GRAMD4: variants seen among roughly 807,000 people sequenced by gnomAD.
GRAMD4 encodes GRAM domain-containing protein 4.
A neutral mutation model predicts 83.9 loss-of-function variants in GRAMD4; 25 were observed. The ratio of observed to expected loss-of-function variants is 0.30; its 90% confidence interval spans 0.22 to 0.42. The LOEUF is 0.42. GRAMD4 is among the 10% of genes least tolerant of loss of function. The probability of loss-of-function intolerance (pLI) is 1.00; values close to 1 mark genes in which losing one functional copy is unlikely to be tolerated. For missense variants in GRAMD4, 593 were observed against 788.7 expected (o/e 0.75, Z 2.97); for synonymous variants, 336 against 320.9 (o/e 1.05, Z -0.50).
intron 13 of GRAMD4, 69 bp downstream of exon 13, chr22:46,668,977 C>A: frequency 1.2e-6 from 1 of 854,990 alleles, no homozygotes; most frequent in Non-Finnish European, 2.0e-6. Flanking sequence ...CCACCAGTGT[C>A]TGCCAGGTGT....
chr22:46,649,619 C>T (rs2082135584), intron 3 of GRAMD4, among the ~76,000 whole-genome samples: 1 of 152,212 alleles, frequency 6.6e-6, no homozygotes, highest in Non-Finnish European at 1.5e-5. Context: ...GCTATGTGCT[C>T]AGCAGCCTTC....
At chr22:46,618,205 T>G (rs962241610), upstream of GRAMD4, among the ~76,000 whole-genome samples, 5 of 152,078 alleles carry the variant, frequency 3.3e-5, no homozygotes, top group Non-Finnish European at 5.9e-5. The surrounding 1 kb of genome is among the most constrained non-coding windows in gnomAD (Gnocchi z 5.8). Context: ...TGCCTGCAGC[T>G]CGAGTCCACC....
intron 14 of GRAMD4, 27 bp downstream of exon 14, chr22:46,673,024 T>G: frequency 1.3e-6 from 2 of 1,515,624 alleles, no homozygotes; most frequent in Non-Finnish European, 1.8e-6. Flanking sequence ...GCTGCGGGGA[T>G]GGGGGGATGG....
chr22:46,638,207 CAG>C (rs1464105057), intron 3 of GRAMD4, among the ~76,000 whole-genome samples: 2 of 152,352 alleles, frequency 1.3e-5, no homozygotes, highest in South Asian at 2.1e-4. Flanking sequence ...GGTTGCTCCA[CAG>C]GGGCTGGGGG....
At chr22:46,619,972 A>C (rs1260041129), upstream of GRAMD4, among the ~76,000 whole-genome samples, 1 of 152,126 alleles carries the variant, frequency 6.6e-6, no homozygotes, top group Admixed American at 6.5e-5. Context: ...CCAGATAATA[A>C]GGGGATGAAG....
chr22:46,668,971 C>T, intron 13 of GRAMD4, 63 bp downstream of exon 13: 1 of 882,996 alleles, frequency 1.1e-6, no homozygotes, highest in South Asian at 1.3e-5. Context: ...CGCATGCCAC[C>T]AGTGTCTGCC....
At chr22:46,586,711 G>A (rs1410867226) in intron 1 of GRAMD4, among the ~76,000 whole-genome samples, 1 of 152,248 alleles carries the variant, frequency 6.6e-6, no homozygotes, top group Admixed American at 6.5e-5. Context: ...TCCCTGCTGG[G>A]ACATGAGTTG....
At chr22:46,651,367 CAG>C (rs1224813441) in intron 3 of GRAMD4, among the ~76,000 whole-genome samples, 3 of 152,242 alleles carry the variant, frequency 2.0e-5, no homozygotes, top group African/African-American at 4.8e-5. Flanking sequence ...GGGCTGGAAA[CAG>C]TGCCATGGGA....
intron 1 of GRAMD4, among the ~76,000 whole-genome samples, chr22:46,582,414 C>T (rs1248087916): frequency 6.6e-6 from 1 of 152,076 alleles, no homozygotes; most frequent in Non-Finnish European, 1.5e-5. Context: ...CCTCTCTGCT[C>T]CACGTCCCCC....
chr22:46,594,250 T>G (rs1402940969), intron 1 of GRAMD4, among the ~76,000 whole-genome samples: 1 of 150,220 alleles, frequency 6.7e-6, no homozygotes, highest in Admixed American at 6.6e-5. Context: ...TTTCTCTGCC[T>G]GGGTCCACAC....
rs189501244 is a variant in GRAMD4, at chr22:46,625,112, G to A, written c.-49-1639G>A. 1.6e-3 allele frequency among the ~76,000 whole-genome samples: 236 copies of A among 152,144 alleles called. 1 individual carries two copies. Among genetic ancestry groups the A allele is most frequent in the African/African-American group, 5.2e-3 (217 of 41,508 alleles). ...CCTGACCTTGTGATCCGCCCGCCTCGGCCTCCCAAAGTGCTGGAATTACAG... is the reference window on the plus strand; with the variant it reads ...CCTGACCTTGTGATCCGCCCGCCTCAGCCTCCCAAAGTGCTGGAATTACAG... On this transcript the variant is annotated intron_variant, in intron 1 of 18. Transcript: ENST00000406902.
chr22:46,641,912 G>A (rs996097711), intron 3 of GRAMD4, among the ~76,000 whole-genome samples: 2 of 152,250 alleles, frequency 1.3e-5, no homozygotes. Context: ...AAGGGGCAGG[G>A]TGCATGGTTG....
At chr22:46,583,994 C>T (rs75726356) in intron 1 of GRAMD4, among the ~76,000 whole-genome samples, 4,934 of 152,276 alleles carry the variant, frequency 0.032, 262 homozygotes, top group African/African-American at 0.11. Flanking sequence ...TTTATGCAGC[C>T]GCTTACTTAT....
chr22:46,639,581 G>A (rs1289342650), intron 3 of GRAMD4, among the ~76,000 whole-genome samples: 2 of 151,198 alleles, frequency 1.3e-5, no homozygotes, highest in Non-Finnish European at 2.9e-5. Flanking sequence ...TGCGTGTGGC[G>A]GTGGTTAACC....
intron 1 of GRAMD4, among the ~76,000 whole-genome samples, chr22:46,623,790 T>A (rs1171434589): frequency 1.3e-5 from 2 of 151,636 alleles, no homozygotes. Context: ...CTGCCTTTTT[T>A]TTTTTTTTTT....
intron 6 of GRAMD4, among the ~76,000 whole-genome samples, chr22:46,663,575 T>C (rs1194501195): frequency 6.6e-6 from 1 of 152,218 alleles, no homozygotes; most frequent in East Asian, 1.9e-4. Flanking sequence ...ACTTCTGTTC[T>C]GGGGACACAG....
In GRAMD4 at chr22:46,679,647, A is replaced by T. The variant is rs1321319200; in HGVS notation, c.*2396A>T. The stretch of plus-strand genomic sequence containing the variant: ...ATTGCCAGTGTGACTTTTGTTCAAC[A>T]AAAGGATTGTACTGTATTAAGAACC... On this transcript the variant is annotated 3_prime_UTR_variant, in exon 19 of 19. Coordinates refer to ENST00000406902, the MANE Select transcript of GRAMD4 (RefSeq NM_015124.5). The T allele has an allele frequency of 1.0e-6, 1 of 983,312 alleles. No individual in the cohort carries two copies. 60.9% of individuals were successfully genotyped at this position (983,312 alleles called of 1,614,324 possible).
chr22:46,643,408 A>C (rs1429822997), intron 3 of GRAMD4, among the ~76,000 whole-genome samples: 1 of 152,280 alleles, frequency 6.6e-6, no homozygotes, highest in Non-Finnish European at 1.5e-5. Flanking sequence ...GGTCAGTTGC[A>C]GACACAATGC....
At chr22:46,662,825 G>A (rs1181735900) in intron 5 of GRAMD4, among the ~76,000 whole-genome samples, 2 of 152,190 alleles carry the variant, frequency 1.3e-5, no homozygotes, top group African/African-American at 2.4e-5. Flanking sequence ...GCTGTGTGCC[G>A]GTTGGTTTGC....
Sources: allele counts gnomAD v4.1 joint callset (sites outside exome capture counted in the v4.1 genomes callset), GRCh38; gene constraint gnomAD v4.1.1; non-coding constraint Gnocchi (gnomAD v3.1); transcripts MANE v1.5; gene names NCBI Gene and HGNC (gene_info 2026-07-23, HGNC 2026-07-21).